PTDSS2: variants seen among roughly 807,000 people sequenced by gnomAD.
PTDSS2 encodes the protein phosphatidylserine synthase 2.
In PTDSS2, 41 loss-of-function variants were observed where a neutral mutation model predicts 64.7. The observed-to-expected ratio is 0.63, with a 90% CI of 0.49 to 0.82. PTDSS2 has a LOEUF of 0.82. Among genes scored for constraint, PTDSS2 ranks in the 40% least tolerant of loss-of-function variants. The probability of loss-of-function intolerance (pLI) is 0.00; values close to 1 mark genes in which losing one functional copy is unlikely to be tolerated. For synonymous variants in PTDSS2, 297 were observed against 277.8 expected, an observed-to-expected ratio of 1.07 and a Z score of -0.69; for missense variants, 485 against 650.0, an observed-to-expected ratio of 0.75 and a Z score of 2.76.
chr11:475,278 C>CATATTCACACGTTTGTGTGATGCGGA (rs1564980067), intron 3 of PTDSS2, among the ~76,000 whole-genome samples: 2 of 100,324 alleles, frequency 2.0e-5, no homozygotes, highest in African/African-American at 7.8e-5. Context: ...TGTGATACGG[C>CATATTCACACGTTTGTGTGATGCGGA]CATATTCACG....
chr11:478,418 T>C (rs1009633272), intron 3 of PTDSS2, among the ~76,000 whole-genome samples: 2 of 151,258 alleles, frequency 1.3e-5, no homozygotes, highest in Admixed American at 1.3e-4. Flanking sequence ...AAGATTGCAC[T>C]CCAGCCTGGG....
Position 488,624 on chromosome 11 carries a change from C to A in PTDSS2, c.831C>A (p.Gly277=). ...WLSLKTYKWQ[G]LWNIPTYKGK... is the part of the protein sequence containing the mutation. ...CCCTGAAGACGTACAAGTGGCAGGGCCTCTGGAACATTCCGACCTACAAGT... is the reference window on the plus strand; with the variant it reads ...CCCTGAAGACGTACAAGTGGCAGGGACTCTGGAACATTCCGACCTACAAGT... The change falls in exon 8 of 12, where the codon GGC becomes GGA. Residue 277 remains glycine, a synonymous_variant. Coordinates refer to ENST00000308020, the MANE Select transcript of PTDSS2 (RefSeq NM_030783.3). 1 of 1,612,936 alleles carries A rather than the reference C, an allele frequency of 6.2e-7. No individual in the cohort carries two copies. The highest frequency in any genetic ancestry group is 1.1e-5 in the South Asian group (1 of 91,078).
At chr11:451,417 CCT>C (rs1590595985) in intron 1 of PTDSS2, 1 of 448,104 alleles carries the variant, frequency 2.2e-6, no homozygotes, top group Non-Finnish European at 4.5e-6. Context: ...TGCCGATGCT[CCT>C]CTGTGAGAAG....
At position 476,219 on chromosome 11, in the gene PTDSS2, G is replaced by A. The variant is rs1288592280; in HGVS notation, c.367+2242G>A. Among the ~76,000 whole-genome samples the A allele has an allele frequency of 2.6e-5, 4 of 152,200 alleles. No individual in the cohort carries two copies. The highest frequency in any genetic ancestry group is 5.9e-5 in the Non-Finnish European group (4 of 68,040). On this transcript the variant is annotated intron_variant, in intron 3 of 11. Transcript: ENST00000308020. This position sits in a 1 kb window ranked among gnomAD's most constrained non-coding sequence, Gnocchi z 4.9. ...GGCCCAGGGCCCTGTCTGCCCAGCC[G>A]GCTGAGCACAGACGGTCTTGCCTCC...
chr11:486,890 G>A, intron 4 of PTDSS2, 49 bp from the exon 5 acceptor site: 1 of 1,545,940 alleles, frequency 6.5e-7, no homozygotes, highest in East Asian at 2.3e-5. Context: ...CCCGTTTCAA[G>A]TTGCCACCAC....
rs1809013337 is a variant in PTDSS2 at position 470,861 on chromosome 11, T to C, written c.285-3034T>C. ...CCTCAGCCTCCCAAAGTGCTGGGAT[T>C]ACAGGCGTGAGCCACCGCACCCAGC... On this transcript the variant is annotated intron_variant, in intron 2 of 11. Coordinates refer to ENST00000308020, the MANE Select transcript of PTDSS2 (RefSeq NM_030783.3). The surrounding 1 kb of genome is among the most constrained non-coding windows in gnomAD (Gnocchi z 5.3). Among the ~76,000 whole-genome samples the C allele has an allele frequency of 6.6e-6, 1 of 152,128 alleles. No homozygotes were observed. Among genetic ancestry groups the C allele is most frequent in the Admixed American group, 6.5e-5 (1 of 15,268 alleles).
At chr11:456,063 C>T (rs911503732) in intron 1 of PTDSS2, among the ~76,000 whole-genome samples, 1 of 152,134 alleles carries the variant, frequency 6.6e-6, no homozygotes, top group African/African-American at 2.4e-5. Flanking sequence ...GCCCGGGGCA[C>T]GGACACAGCC....
intron 1 of PTDSS2, among the ~76,000 whole-genome samples, chr11:453,034 G>A (rs76636931): frequency 2.0e-5 from 3 of 152,004 alleles, no homozygotes; most frequent in Non-Finnish European, 2.9e-5. Flanking sequence ...TCCAGCCAGG[G>A]CGTTCATTTT....
chr11:467,329 C>T (rs751074251), intron 2 of PTDSS2, among the ~76,000 whole-genome samples: 1 of 152,206 alleles, frequency 6.6e-6, no homozygotes, highest in Non-Finnish European at 1.5e-5. Context: ...CACTGCATAC[C>T]CGACGGAGCA....
Position 489,409 on chromosome 11 carries a change from G to A in PTDSS2, c.864G>A (p.Met288Ile). ...LWNIPTYKGK[M>I]KRIAFQFTPY... ...GCTCTGTGGTTCCCAGGGGCAAGATGAAGAGGATCGCCTTCCAGTTCACGC... is the reference window on the plus strand; with the variant it reads ...GCTCTGTGGTTCCCAGGGGCAAGATAAAGAGGATCGCCTTCCAGTTCACGC... The change falls in exon 9 of 12, where the codon ATG (methionine) becomes ATA (isoleucine). Residue 288 changes from methionine (M) to isoleucine (I), a missense_variant. Met to Ile is a conservative substitution (Grantham distance 10, BLOSUM62 1). Around this residue, in one of 3 missense-constraint regions of PTDSS2, gnomAD observed 15 missense variants for 44.7 expected, o/e 0.34. Transcript: ENST00000308020. The A allele has an allele frequency of 6.2e-7, 1 of 1,613,096 alleles. No homozygotes were observed. Among genetic ancestry groups the A allele is most frequent in the East Asian group, 2.2e-5 (1 of 44,874 alleles).
upstream of PTDSS2, among the ~76,000 whole-genome samples, chr11:449,846 C>G (rs1215192211): frequency 6.6e-6 from 1 of 152,180 alleles, no homozygotes; most frequent in Non-Finnish European, 1.5e-5. Context: ...ACTCGGGAAG[C>G]TTGAGACAGA....
In PTDSS2 at chr11:473,966, GA is replaced by G; in HGVS notation, c.357del (p.Arg119SerfsTer13). Reference sequence around the variant, plus strand: ...CAAGCTAAAGACGGGCCATTTTCCAGACCTCATCCAGGTAACTTGCCATTTC... The same window carrying G: ...CAAGCTAAAGACGGGCCATTTTCCAGCCTCATCCAGGTAACTTGCCATTTC... ...VTQAKDGPFS[R>X]PHPAYWRFWL... On this transcript the variant is annotated frameshift_variant, in exon 3 of 12. Transcript: ENST00000308020. LOFTEE classifies it high-confidence loss of function. 6.2e-7 allele frequency: 1 copy of G among 1,613,888 alleles called. No individual in the cohort carries two copies. The highest frequency in any genetic ancestry group is 8.5e-7 in the Non-Finnish European group (1 of 1,179,722).
intron 1 of PTDSS2, among the ~76,000 whole-genome samples, chr11:451,895 G>A (rs1846346963): frequency 6.6e-6 from 1 of 152,210 alleles, no homozygotes; most frequent in Non-Finnish European, 1.5e-5. Context: ...GGAGATGAGT[G>A]TACCGGGTGG....
At position 459,901 on chromosome 11, in the gene PTDSS2, G is replaced by A. The variant is rs535205309; in HGVS notation, c.183-286G>A. On this transcript the variant is annotated intron_variant, in intron 1 of 11. Transcript: ENST00000308020. ...TTAATAGCAGATACCTGCCCTGGACGCCAGTGGCAGCATGTGCCCTCTGAG... is the reference window on the plus strand; with the variant it reads ...TTAATAGCAGATACCTGCCCTGGACACCAGTGGCAGCATGTGCCCTCTGAG... 12 of 430,834 alleles carry A rather than the reference G, an allele frequency of 2.8e-5. No homozygotes were observed. In the East Asian group the frequency reaches 3.3e-4, roughly 12 times the overall value. 26.7% of individuals were successfully genotyped at this position (430,834 alleles called of 1,614,324 possible).
chr11:473,004 G>A (rs986658279), intron 2 of PTDSS2, among the ~76,000 whole-genome samples: 12 of 152,236 alleles, frequency 7.9e-5, no homozygotes, highest in African/African-American at 2.4e-4. Flanking sequence ...GGGTGCATCC[G>A]AGCGTCTGCA....
intron 6 of PTDSS2, among the ~76,000 whole-genome samples, chr11:487,690 G>A (rs1848457464): frequency 6.6e-6 from 1 of 152,226 alleles, no homozygotes; most frequent in South Asian, 2.1e-4. Context: ...GGTCGGGGCG[G>A]TGGAAAGAGG....
rs1419528259 is a variant in PTDSS2 at position 460,495 on chromosome 11, G to T, written c.284+207G>T. The T allele has an allele frequency of 5.5e-6, 3 of 549,072 alleles. No homozygotes were observed. The South Asian group carries it at 6.5e-5, about 12-fold the overall frequency. 34.0% of individuals were successfully genotyped at this position (549,072 alleles called of 1,614,324 possible). A position where few individuals can be genotyped will look rare whatever the true frequency, so the allele number is the denominator to read the frequency against. Reference sequence around the variant, plus strand: ...GTGGCGTTCCCGGTCAGCCCCCGTCGCCTGTCACTGGGAGCCAGGAGTCTG... The same window carrying T: ...GTGGCGTTCCCGGTCAGCCCCCGTCTCCTGTCACTGGGAGCCAGGAGTCTG... On this transcript the variant is annotated intron_variant, in intron 2 of 11. Transcript: ENST00000308020. This position sits in a 1 kb window ranked among gnomAD's most constrained non-coding sequence, Gnocchi z 5.8.
intron 2 of PTDSS2, among the ~76,000 whole-genome samples, chr11:464,452 G>C (rs370596049): frequency 3.3e-5 from 5 of 151,940 alleles, no homozygotes; most frequent in Non-Finnish European, 7.4e-5. Flanking sequence ...GCCTCACCCC[G>C]GCTCGGGCAG....
rs149316958 is a variant in PTDSS2, at chr11:490,811, C to CGTGTGTGTACGCGTGTGTATGT, written c.*230_*231insTGTGTGTACGCGTGTGTATGTG. The CGTGTGTGTACGCGTGTGTATGT allele has an allele frequency of 5.2e-6, 3 of 581,980 alleles. No individual in the cohort carries two copies. The highest frequency in any genetic ancestry group is 3.7e-5 in the African/African-American group (2 of 53,398). 36.1% of individuals were successfully genotyped at this position (581,980 alleles called of 1,614,324 possible). On this transcript the variant is annotated 3_prime_UTR_variant, in exon 12 of 12. Coordinates refer to ENST00000308020, the MANE Select transcript of PTDSS2 (RefSeq NM_030783.3). ...ATGCGTGTGTGTACGCGTGTGTACG[C>CGTGTGTGTACGCGTGTGTATGT]GCGTGTGTACACATGCGTGGCCGCC...
Sources: allele counts gnomAD v4.1 joint callset (sites outside exome capture counted in the v4.1 genomes callset), GRCh38; gene constraint gnomAD v4.1.1; regional missense constraint gnomAD v4.1.1; non-coding constraint Gnocchi (gnomAD v3.1); transcripts MANE v1.5; gene names NCBI Gene and HGNC (gene_info 2026-07-23, HGNC 2026-07-21).